The following ANGPT2 variants were observed in gnomAD, a reference collection of about 807,000 sequenced individuals.
ANGPT2 encodes angiopoietin 2.
ANGPT2 carries 28 observed loss-of-function variants against 62.9 expected under a neutral mutation model. That is an observed-to-expected ratio of 0.44 (90% CI 0.33 to 0.61). ANGPT2 has a LOEUF of 0.61. Among genes scored for constraint, ANGPT2 ranks in the 20% least tolerant of loss-of-function variants. The pLI, the probability that ANGPT2 is intolerant of heterozygous loss-of-function variation, is 0.03. For missense variants in ANGPT2, 727 were observed against 594.9 expected, an observed-to-expected ratio of 1.22 and a Z score of -2.31; for synonymous variants, 284 against 207.8, an observed-to-expected ratio of 1.37 and a Z score of -3.15.
chr8:6,534,205 TA>T (rs113647753), intron 1 of ANGPT2, among the ~76,000 whole-genome samples: 7,980 of 150,426 alleles, frequency 0.053, 244 homozygotes, highest in Non-Finnish European at 0.064. Context: ...CAATATATTT[TA>T]AAAAAAAAAT....
intron 5 of ANGPT2, 101 bp downstream of exon 5, chr8:6,519,762 TG>T: frequency 6.9e-7 from 1 of 1,450,836 alleles, no homozygotes; most frequent in Non-Finnish European, 9.4e-7. Context: ...TGTGTGAGGC[TG>T]GGGAAGATCT....
At chr8:6,521,054 G>T (rs1817240981) in intron 4 of ANGPT2, 124 bp downstream of exon 4, 5 of 667,848 alleles carry the variant, frequency 7.5e-6, no homozygotes, top group Non-Finnish European at 1.2e-5. Flanking sequence ...TTAATTGGTA[G>T]ATATTTCATA....
chr8:6,535,299 T>C (rs888635670), intron 1 of ANGPT2, among the ~76,000 whole-genome samples: 6 of 152,242 alleles, frequency 3.9e-5, no homozygotes, highest in African/African-American at 1.4e-4. Context: ...GGATTGTTTA[T>C]AATTGAAAAC....
intron 1 of ANGPT2, among the ~76,000 whole-genome samples, chr8:6,544,790 C>T (rs917593385): frequency 6.6e-6 from 1 of 152,218 alleles, no homozygotes; most frequent in East Asian, 1.9e-4. Context: ...CCCTTACCTC[C>T]TGACTTGAAT....
chr8:6,562,718 A>G lies in ANGPT2; in HGVS notation c.217T>C (p.Tyr73His). ...TGCAGCCTCTGCACCGAGTCATCGTATTCGAGCGGCGCGTCCCTCTGCACA... is the reference window on the plus strand; with the variant it reads ...TGCAGCCTCTGCACCGAGTCATCGTGTTCGAGCGGCGCGTCCCTCTGCACA... The part of the protein sequence containing the change: ...NAVQRDAPLE[Y>H]DDSVQRLQVL... Residue 73 changes from tyrosine to histidine, a missense_variant, in exon 1 of 9, where the codon TAC becomes CAC. Transcript: ENST00000629816. 6.2e-7 allele frequency: 1 copy of G among 1,613,462 alleles called. No individual in the cohort carries two copies. Among genetic ancestry groups the G allele is most frequent in the Non-Finnish European group, 8.5e-7 (1 of 1,179,738 alleles).
intron 8 of ANGPT2, among the ~76,000 whole-genome samples, chr8:6,505,484 A>T (rs1156593108): frequency 0.031 from 105 of 3,378 alleles, 9 homozygotes; most frequent in African/African-American, 0.07. Flanking sequence ...TATATAGAAT[A>T]TATATATTCT....
intron 1 of ANGPT2, among the ~76,000 whole-genome samples, chr8:6,551,183 G>C (rs1823589504): frequency 6.6e-6 from 1 of 152,160 alleles, no homozygotes; most frequent in Admixed American, 6.5e-5. Context: ...ATTTGAGCTG[G>C]ATAGAGAAAG....
In ANGPT2 at chr8:6,501,610, A is replaced by C. The variant is rs1263222227; in HGVS notation, c.*1491T>G. 7.3e-6 allele frequency: 1 copy of C among 136,098 alleles called. No individual in the cohort carries two copies. The highest frequency in any genetic ancestry group is 1.5e-5 in the Non-Finnish European group (1 of 65,980). 8.4% of individuals were successfully genotyped at this position (136,098 alleles called of 1,614,324 possible). On this transcript the variant is annotated 3_prime_UTR_variant, in exon 9 of 9. Coordinates refer to ENST00000629816, the MANE Select transcript of ANGPT2 (RefSeq NM_001118887.2). Reference sequence around the variant, plus strand: ...TGCTCTGTTGCCCCGGCTGGAGTGCAGTGGTGCGATCTTGGCTCACTGCAA... The same window carrying C: ...TGCTCTGTTGCCCCGGCTGGAGTGCCGTGGTGCGATCTTGGCTCACTGCAA...
Position 6,523,628 on chromosome 8 carries a change from G to T in ANGPT2, c.567-2218C>A, listed in dbSNP as rs186455506. 9.9e-5 allele frequency among the ~76,000 whole-genome samples: 15 copies of T among 152,206 alleles called. No homozygotes were observed. The East Asian group carries it at 2.9e-3, about 30-fold the overall frequency. ...ATGGAGTCTCGGAGTCTCGCGCTGT[G>T]GCCTGGGCTGTTGTGCAGTGGCGCG... On this transcript the variant is annotated intron_variant, in intron 3 of 8. Coordinates refer to ENST00000629816, the MANE Select transcript of ANGPT2 (RefSeq NM_001118887.2).
rs117572681 is a variant in ANGPT2, at chr8:6,515,782, A to T, written c.928-1004T>A. On this transcript the variant is annotated intron_variant, in intron 5 of 8. Transcript: ENST00000629816. ...AAATATTCTTCTTGTGTTGTGTCCC[A>T]TGGTCTTTTTGAGAATAATGGAGGC... Among the ~76,000 whole-genome samples the T allele has an allele frequency of 4.6e-3, 701 of 152,330 alleles. 3 individuals carry two copies. Among genetic ancestry groups the T allele is most frequent in the Middle Eastern group, 0.01 (3 of 294 alleles).
At chr8:6,560,672 T>C (rs989708271) in intron 1 of ANGPT2, among the ~76,000 whole-genome samples, 4 of 152,236 alleles carry the variant, frequency 2.6e-5, no homozygotes, top group African/African-American at 9.6e-5. Context: ...AATACCATTG[T>C]GCTACTGCTG....
At chr8:6,513,375 C>G (rs1815569005) in intron 7 of ANGPT2, among the ~76,000 whole-genome samples, 2 of 150,720 alleles carry the variant, frequency 1.3e-5, no homozygotes, top group Admixed American at 1.3e-4. Context: ...CTCTGTCGCC[C>G]AGGTTGCAGT....
chr8:6,528,052 T>A (rs1334332619), intron 2 of ANGPT2, among the ~76,000 whole-genome samples: 1 of 139,866 alleles, frequency 7.1e-6, no homozygotes, highest in South Asian at 2.3e-4. Context: ...CGTACCACCA[T>A]ACCCAGCTAA....
intron 1 of ANGPT2, among the ~76,000 whole-genome samples, chr8:6,541,125 G>C (rs896065673): frequency 2.6e-5 from 4 of 152,238 alleles, no homozygotes; most frequent in Non-Finnish European, 5.9e-5. Flanking sequence ...GGCAAGGCCT[G>C]TCTCTGAGAT....
At chr8:6,515,548 A>G (rs1430369272) in intron 5 of ANGPT2, among the ~76,000 whole-genome samples, 2 of 152,206 alleles carry the variant, frequency 1.3e-5, no homozygotes, top group Non-Finnish European at 2.9e-5. Flanking sequence ...AGAACACAGA[A>G]TTCTTTCTTA....
chr8:6,517,340 G>C (rs1816457751), intron 5 of ANGPT2, among the ~76,000 whole-genome samples: 1 of 152,202 alleles, frequency 6.6e-6, no homozygotes. Context: ...CAATGATTAA[G>C]TGACGGGTTA....
chr8:6,549,394 A>C (rs1823192054), intron 1 of ANGPT2, among the ~76,000 whole-genome samples: 1 of 152,224 alleles, frequency 6.6e-6, no homozygotes, highest in African/African-American at 2.4e-5. Context: ...AAACCTAGCA[A>C]AATTAACCCA....
intron 1 of ANGPT2, among the ~76,000 whole-genome samples, chr8:6,533,507 G>A (rs930724979): frequency 6.6e-6 from 1 of 151,364 alleles, no homozygotes; most frequent in Non-Finnish European, 1.5e-5. Context: ...CTTAAAGAGG[G>A]GTTAAGCTGT....
intron 1 of ANGPT2, among the ~76,000 whole-genome samples, chr8:6,545,019 A>G (rs1563101333): frequency 6.6e-6 from 1 of 152,198 alleles, no homozygotes; most frequent in Admixed American, 6.5e-5. Flanking sequence ...AACAAATAAC[A>G]TAATAGATCG....
Sources: allele counts gnomAD v4.1 joint callset (sites outside exome capture counted in the v4.1 genomes callset), GRCh38; gene constraint gnomAD v4.1.1; transcripts MANE v1.5; gene names NCBI Gene and HGNC (gene_info 2026-07-23, HGNC 2026-07-21).